Variants in CRYZL1 observed in about 807,000 individuals in gnomAD.
CRYZL1 encodes the protein crystallin zeta like 1, also known as ferry endosomal RAB5 effector complex subunit 4.
In CRYZL1, 34 loss-of-function variants were observed where a neutral mutation model predicts 50.6. That is an observed-to-expected ratio of 0.67 (90% confidence interval 0.51 to 0.89). The LOEUF is 0.89. CRYZL1 is among the 40% of genes least tolerant of loss of function. The pLI, the probability that CRYZL1 is intolerant of heterozygous loss-of-function variation, is 0.00. For missense variants in CRYZL1, 354 were observed against 402.3 expected (o/e 0.88, Z 1.03); for synonymous variants, 125 against 134.3 (o/e 0.93, Z 0.48).
intron 6 of CRYZL1, among the ~76,000 whole-genome samples, chr21:33,608,856 C>G (rs1277336461): frequency 6.6e-6 from 1 of 152,112 alleles, no homozygotes; most frequent in Non-Finnish European, 1.5e-5. Flanking sequence ...TCAAAGCTTC[C>G]GGGAAAATAT....
chr21:33,636,210 CA>C (rs902423806), intron 1 of CRYZL1, among the ~76,000 whole-genome samples: 5 of 151,926 alleles, frequency 3.3e-5, no homozygotes, highest in Non-Finnish European at 7.4e-5. Context: ...GCCTGGGCAA[CA>C]AAGCAAGACC....
intron 6 of CRYZL1, among the ~76,000 whole-genome samples, chr21:33,605,530 C>CTTTTTTTTTTTTTTTTCTTTT (rs146096008): frequency 1.9e-5 from 1 of 53,196 alleles, no homozygotes; most frequent in Non-Finnish European, 3.2e-5. Flanking sequence ...TACAAGAATT[C>CTTTTTTTTTTTTTTTTCTTTT]TTTTTTTTTT....
chr21:33,616,722 T>C lies in CRYZL1; in HGVS notation c.246A>G (p.Pro82=). 1.2e-6 allele frequency: 2 copies of C among 1,609,218 alleles called. No individual in the cohort carries two copies. Among genetic ancestry groups the C allele is most frequent in the Non-Finnish European group, 1.7e-6 (2 of 1,177,408 alleles). ...ATAACTTACCAACTACTTCATCATC[T>C]GGTTGAAAGAATGATACCTTGCTTC... ...DVGSKVSFFQ[P]DDEVVGILPL... The change falls in exon 5 of 13, where the codon CCA becomes CCG. Residue 82 remains proline (P), a synonymous_variant. Coordinates refer to ENST00000381554, the MANE Select transcript of CRYZL1 (RefSeq NM_145858.3).
intron 1 of CRYZL1, among the ~76,000 whole-genome samples, chr21:33,632,387 A>AT (rs200590309): frequency 4.6e-5 from 7 of 150,698 alleles, no homozygotes; most frequent in African/African-American, 1.2e-4. Context: ...TTATTTATTT[A>AT]TTTTTTTTTA....
chr21:33,602,367 G>A (rs1235588406), intron 7 of CRYZL1, 22 bp from the exon 8 acceptor site: 1 of 1,144,434 alleles, frequency 8.7e-7, no homozygotes, highest in South Asian at 1.2e-5. Flanking sequence ...AAAATATACA[G>A]TGGGTGTATG....
At chr21:33,595,924 A>G in intron 10 of CRYZL1, 88 bp from the exon 11 acceptor site, 1 of 819,542 alleles carries the variant, frequency 1.2e-6, no homozygotes, top group East Asian at 2.5e-5. Context: ...ACTTCTACAC[A>G]AATTAAATGA....
chr21:33,637,560 C>G (rs889258041), intron 1 of CRYZL1, among the ~76,000 whole-genome samples: 2 of 151,680 alleles, frequency 1.3e-5, no homozygotes, highest in African/African-American at 4.8e-5. Flanking sequence ...CCTCATTCAA[C>G]TCATCTATTC....
intron 1 of CRYZL1, chr21:33,641,413 C>G (rs1198141318): frequency 4.5e-6 from 6 of 1,341,424 alleles, no homozygotes; most frequent in Non-Finnish European, 5.9e-6. Context: ...TCCCAGACCT[C>G]TGCCTCCATA....
chr21:33,618,451 C>T (rs1001152537), intron 4 of CRYZL1, among the ~76,000 whole-genome samples: 98 of 152,202 alleles, frequency 6.4e-4, no homozygotes, highest in Admixed American at 6.4e-3. Context: ...CCTCCTTGTG[C>T]CCAGCATTGT....
intron 11 of CRYZL1, chr21:33,595,470 T>A: frequency 7.4e-7 from 1 of 1,359,234 alleles, no homozygotes; most frequent in Non-Finnish European, 9.9e-7. Context: ...TGATTCTTGC[T>A]CCGCCACTTG....
chr21:33,593,708 AG>A (rs2086665082), intron 11 of CRYZL1, among the ~76,000 whole-genome samples: 1 of 152,038 alleles, frequency 6.6e-6, no homozygotes, highest in African/African-American at 2.4e-5. Context: ...TACAGCCGGG[AG>A]TGGTGGCCCA....
chr21:33,637,804 T>A (rs925915316), intron 1 of CRYZL1, among the ~76,000 whole-genome samples: 4 of 143,318 alleles, frequency 2.8e-5, no homozygotes, highest in Non-Finnish European at 6.1e-5. Flanking sequence ...CACACACACA[T>A]ATAAACAGCT....
intron 3 of CRYZL1, among the ~76,000 whole-genome samples, chr21:33,622,375 T>G (rs1469564273): frequency 6.6e-6 from 1 of 152,210 alleles, no homozygotes; most frequent in Non-Finnish European, 1.5e-5. Context: ...GGCCAAAACA[T>G]TTCTTGATTG....
At chr21:33,595,556 T>C in intron 11 of CRYZL1, 175 bp downstream of exon 11, 1 of 1,283,002 alleles carries the variant, frequency 7.8e-7, no homozygotes, top group Non-Finnish European at 1.1e-6. Flanking sequence ...TAACAGTACT[T>C]ACATCTCAAA....
intron 3 of CRYZL1, among the ~76,000 whole-genome samples, chr21:33,623,725 G>C (rs549074643): frequency 6.6e-6 from 1 of 152,052 alleles, no homozygotes; most frequent in Non-Finnish European, 1.5e-5. Flanking sequence ...AATAAGTTAC[G>C]GGTCATGTAA....
intron 6 of CRYZL1, among the ~76,000 whole-genome samples, chr21:33,612,866 G>A (rs1255394932): frequency 1.3e-5 from 2 of 151,128 alleles, no homozygotes; most frequent in Non-Finnish European, 3.0e-5. Context: ...ACAGAGTCTC[G>A]CTCTGTCACC....
chr21:33,607,396 T>C (rs2086824626), intron 6 of CRYZL1, among the ~76,000 whole-genome samples: 1 of 152,028 alleles, frequency 6.6e-6, no homozygotes, highest in South Asian at 2.1e-4. Flanking sequence ...GCCAGCACTT[T>C]GGGAGGCCAA....
chr21:33,630,216 T>C (rs1319121991), intron 2 of CRYZL1, among the ~76,000 whole-genome samples: 1 of 152,154 alleles, frequency 6.6e-6, no homozygotes, highest in South Asian at 2.1e-4. Flanking sequence ...TGGAAACTCT[T>C]ATACACCACT....
chr21:33,623,109 G>A (rs973999683), intron 3 of CRYZL1, among the ~76,000 whole-genome samples: 6 of 151,896 alleles, frequency 4.0e-5, no homozygotes, highest in African/African-American at 1.5e-4. Flanking sequence ...GGGACTACAG[G>A]CACGTGCCAC....
Sources: allele counts gnomAD v4.1 joint callset (sites outside exome capture counted in the v4.1 genomes callset), GRCh38; gene constraint gnomAD v4.1.1; transcripts MANE v1.5; gene names NCBI Gene and HGNC (gene_info 2026-07-23, HGNC 2026-07-21).